RAB3C: variants seen among roughly 807,000 people sequenced by gnomAD.
RAB3C encodes ras-related protein Rab-3C.
RAB3C carries 17 observed loss-of-function variants against 26.4 expected under a neutral mutation model. The observed-to-expected ratio is 0.64, with a 90% CI of 0.44 to 0.97. The LOEUF is 0.97. RAB3C is among the 50% of genes least tolerant of loss of function. The pLI, the probability that RAB3C is intolerant of heterozygous loss-of-function variation, is 0.00. For missense variants in RAB3C, 242 were observed against 281.9 expected (o/e 0.86, Z 1.01); for synonymous variants, 91 against 95.9 (o/e 0.95, Z 0.30).
rs937321647 is a variant in RAB3C at position 58,857,043 on chromosome 5, A to C, written c.*5692A>C. The C allele has an allele frequency of 6.6e-6, 1 of 152,316 alleles. No homozygotes were observed. Among genetic ancestry groups the C allele is most frequent in the African/African-American group, 2.4e-5 (1 of 41,572 alleles). The allele number at this position is 152,316 out of a possible 1,614,324, so 9.4% of individuals were successfully genotyped here. A position where few individuals can be genotyped will look rare whatever the true frequency, so the allele number is the denominator to read the frequency against. The stretch of plus-strand genomic sequence containing the variant: ...GTTGCATGAAATATGTTATAAAAAT[A>C]GATTTGTTTTCTATTTTCAACACCT... On this transcript the variant is annotated 3_prime_UTR_variant, in exon 5 of 5. Coordinates refer to ENST00000282878, the MANE Select transcript of RAB3C (RefSeq NM_138453.4).
chr5:58,583,831 A>G (rs1195887398), intron 1 of RAB3C, among the ~76,000 whole-genome samples: 1 of 152,126 alleles, frequency 6.6e-6, no homozygotes, highest in African/African-American at 2.4e-5. Context: ...TCTGTTTTGG[A>G]GACAGCCCCC....
At chr5:58,764,090 T>G (rs1741849853) in intron 3 of RAB3C, among the ~76,000 whole-genome samples, 1 of 152,252 alleles carries the variant, frequency 6.6e-6, no homozygotes, top group South Asian at 2.1e-4. Context: ...TGGTATCATA[T>G]ATCAAATTTT....
At chr5:58,686,085 G>A (rs1748439363) in intron 2 of RAB3C, among the ~76,000 whole-genome samples, 1 of 152,156 alleles carries the variant, frequency 6.6e-6, no homozygotes, top group Non-Finnish European at 1.5e-5. Flanking sequence ...AGACCAATTA[G>A]GAGATGCTGC....
At chr5:58,741,764 AGAGGCC>A (rs994529722) in intron 3 of RAB3C, 47 of 152,270 alleles carry the variant, frequency 3.1e-4, no homozygotes, top group African/African-American at 1.1e-3. Flanking sequence ...TAGCATTTTG[AGAGGCC>A]GAGGCAGGTG....
intron 1 of RAB3C, among the ~76,000 whole-genome samples, chr5:58,602,109 G>A (rs1279398199): frequency 6.6e-6 from 1 of 151,826 alleles, no homozygotes; most frequent in African/African-American, 2.4e-5. Context: ...TTTTGACCCA[G>A]TGTTCATTCA....
At chr5:58,608,424 G>A (rs917687022) in intron 1 of RAB3C, among the ~76,000 whole-genome samples, 1 of 152,108 alleles carries the variant, frequency 6.6e-6, no homozygotes, top group Admixed American at 6.5e-5. Context: ...GCAGCCAAAA[G>A]ACACATGAAA....
intron 3 of RAB3C, among the ~76,000 whole-genome samples, chr5:58,820,231 T>C (rs907488412): frequency 6.6e-6 from 1 of 151,584 alleles, no homozygotes; most frequent in Non-Finnish European, 1.5e-5. Flanking sequence ...AAAAGCTAAA[T>C]CTTTCAGAAT....
At chr5:58,663,840 G>A (rs1191444427) in intron 2 of RAB3C, among the ~76,000 whole-genome samples, 2 of 152,176 alleles carry the variant, frequency 1.3e-5, no homozygotes, top group African/African-American at 4.8e-5. Context: ...TTGGTGGCAG[G>A]AGTGTGAAAT....
chr5:58,675,535 G>T (rs543742421), intron 2 of RAB3C, among the ~76,000 whole-genome samples: 7 of 152,066 alleles, frequency 4.6e-5, no homozygotes, highest in Middle Eastern at 3.5e-3. Context: ...CATAGCAACT[G>T]GGAGTCACAG....
chr5:58,715,930 A>G (rs2111904133), intron 2 of RAB3C, among the ~76,000 whole-genome samples: 1 of 152,112 alleles, frequency 6.6e-6, no homozygotes, highest in Middle Eastern at 3.4e-3. Context: ...GGTTAGTTAC[A>G]TATGTATACA....
chr5:58,755,434 A>G (rs1255221782), intron 3 of RAB3C, among the ~76,000 whole-genome samples: 1 of 152,212 alleles, frequency 6.6e-6, no homozygotes, highest in Non-Finnish European at 1.5e-5. Flanking sequence ...TTTGGGTACC[A>G]TTATAAACTG....
At chr5:58,605,016 C>T (rs181357230) in intron 1 of RAB3C, among the ~76,000 whole-genome samples, 1 of 152,258 alleles carries the variant, frequency 6.6e-6, no homozygotes, top group African/African-American at 2.4e-5. Flanking sequence ...CTATATTTCT[C>T]TTGGCTTGGC....
chr5:58,596,081 C>G (rs987747721), intron 1 of RAB3C, among the ~76,000 whole-genome samples: 5 of 152,004 alleles, frequency 3.3e-5, no homozygotes, highest in Non-Finnish European at 5.9e-5. Flanking sequence ...TGTTTGCATG[C>G]CCCAGCCAAA....
At chr5:58,651,059 C>G (rs1747638123) in intron 2 of RAB3C, among the ~76,000 whole-genome samples, 1 of 152,162 alleles carries the variant, frequency 6.6e-6, no homozygotes, top group African/African-American at 2.4e-5. Flanking sequence ...TGTAATGTGT[C>G]ACTGACATGA....
intron 2 of RAB3C, among the ~76,000 whole-genome samples, chr5:58,696,537 A>G (rs1742568820): frequency 6.6e-6 from 1 of 152,156 alleles, no homozygotes; most frequent in Non-Finnish European, 1.5e-5. Context: ...TTCAGCTGTG[A>G]ATCCGTCTGG....
At chr5:58,646,069 A>G (rs190922420) in intron 2 of RAB3C, among the ~76,000 whole-genome samples, 225 of 152,318 alleles carry the variant, frequency 1.5e-3, no homozygotes, top group African/African-American at 5.1e-3. Flanking sequence ...AAGTTTCACA[A>G]AAGGAGCGAA....
At chr5:58,787,458 T>C (rs969599252) in intron 3 of RAB3C, among the ~76,000 whole-genome samples, 5 of 152,200 alleles carry the variant, frequency 3.3e-5, no homozygotes, top group Non-Finnish European at 7.4e-5. Context: ...TCTTTATGTT[T>C]TTCTGTATTT....
intron 2 of RAB3C, among the ~76,000 whole-genome samples, chr5:58,648,488 C>CG (rs1747574088): frequency 6.6e-6 from 1 of 151,960 alleles, no homozygotes; most frequent in South Asian, 2.1e-4. Flanking sequence ...TTTTCTGTAA[C>CG]GTAAAGGGAA....
At chr5:58,699,916 T>G (rs1445155854) in intron 2 of RAB3C, among the ~76,000 whole-genome samples, 1 of 152,240 alleles carries the variant, frequency 6.6e-6, no homozygotes, top group Non-Finnish European at 1.5e-5. Context: ...CCCCGTGTGC[T>G]TCCTGGGTGA....
Sources: gnomAD v4.1 joint callset for allele counts (sites outside exome capture counted in the v4.1 genomes callset) on GRCh38, gnomAD v4.1.1 for gene constraint, MANE v1.5 for transcripts, NCBI Gene and HGNC (gene_info 2026-07-23, HGNC 2026-07-21) for gene names.